Variants in KLHL4 observed in about 807,000 individuals in gnomAD.
The protein encoded by KLHL4 is kelch-like protein 4.
KLHL4 carries 17 observed loss-of-function variants against 45.8 expected under a neutral mutation model. The ratio of observed to expected loss-of-function variants is 0.37; its 90% CI spans 0.25 to 0.56. KLHL4 has a LOEUF of 0.56. Ranked by LOEUF, KLHL4 falls within the 20% of genes least tolerant of loss-of-function variation. The pLI is 0.79. For synonymous variants in KLHL4, 224 were observed against 189.9 expected (o/e 1.18, Z -1.47); for missense variants, 544 against 544.9 (o/e 1.00, Z 0.02).
At chrX:87,597,884 T>G (rs1183605394) in intron 1 of KLHL4, among the ~76,000 whole-genome samples, 1 of 111,141 alleles carries the variant, frequency 9.0e-6, no homozygotes, top group Admixed American at 9.6e-5. Flanking sequence ...GAAAGTGTCA[T>G]GTTCTAGTAA....
intron 1 of KLHL4, among the ~76,000 whole-genome samples, chrX:87,598,482 G>A (rs1921908469): frequency 9.0e-6 from 1 of 111,191 alleles, no homozygotes. Context: ...AATGGTCATA[G>A]GTCTTTTTAG....
At chrX:87,533,265 T>A (rs1182196349) in intron 1 of KLHL4, among the ~76,000 whole-genome samples, 1 of 103,661 alleles carries the variant, frequency 9.6e-6, no homozygotes, top group Non-Finnish European at 2.0e-5. Flanking sequence ...GTATGTTTAT[T>A]GCGGCACTAT....
chrX:87,546,301 G>A (rs1185210174), intron 1 of KLHL4, among the ~76,000 whole-genome samples: 1 of 111,693 alleles, frequency 9.0e-6, no homozygotes. Flanking sequence ...CCTGCATTTA[G>A]TCCATGGTAA....
At chrX:87,551,217 T>C (rs1050339923) in intron 1 of KLHL4, among the ~76,000 whole-genome samples, 1 of 110,558 alleles carries the variant, frequency 9.0e-6, no homozygotes, top group Non-Finnish European at 1.9e-5. Flanking sequence ...ACACTAACAG[T>C]GACCAAGCAG....
chrX:87,559,169 A>G (rs1932043701), intron 1 of KLHL4, among the ~76,000 whole-genome samples: 1 of 112,116 alleles, frequency 8.9e-6, no homozygotes, highest in African/African-American at 3.2e-5. Flanking sequence ...ATTTATGGAC[A>G]TTGAATTTTG....
chrX:87,665,267 G>A (rs1436255706), intron 10 of KLHL4, among the ~76,000 whole-genome samples: 2 of 111,394 alleles, frequency 1.8e-5, no homozygotes, highest in African/African-American at 6.5e-5. Context: ...ATAAAATAAA[G>A]CATTTTACCA....
chrX:87,604,914 G>A (rs1922143209), intron 1 of KLHL4, among the ~76,000 whole-genome samples: 1 of 111,045 alleles, frequency 9.0e-6, no homozygotes, highest in African/African-American at 3.3e-5. Flanking sequence ...TTATATGCAT[G>A]TTTTTAATCT....
chrX:87,625,302 G>A (rs950052299), intron 5 of KLHL4, among the ~76,000 whole-genome samples: 2 of 111,727 alleles, frequency 1.8e-5, no homozygotes, highest in Admixed American at 1.9e-4. Flanking sequence ...GTTTGCTCAA[G>A]TTTTCTCTGC....
chrX:87,572,962 T>C (rs1431203591), intron 1 of KLHL4, among the ~76,000 whole-genome samples: 2 of 111,678 alleles, frequency 1.8e-5, no homozygotes, highest in Non-Finnish European at 3.8e-5. Flanking sequence ...ATTTGGTTAA[T>C]CTCATAAAAG....
intron 6 of KLHL4, among the ~76,000 whole-genome samples, chrX:87,628,142 T>C (rs1922991355): frequency 8.9e-6 from 1 of 111,943 alleles, no homozygotes; most frequent in African/African-American, 3.2e-5. Context: ...TACTTAATCT[T>C]TGGCATTTTG....
At chrX:87,623,748 C>G (rs1233663234) in intron 5 of KLHL4, among the ~76,000 whole-genome samples, 1 of 111,337 alleles carries the variant, frequency 9.0e-6, no homozygotes, top group Non-Finnish European at 1.9e-5. Context: ...ATAGTAACGC[C>G]AAAAACAGAA....
chrX:87,639,861 T>C lies in KLHL4; in HGVS notation c.1925+4086T>C, dbSNP rs573412834. Among the ~76,000 whole-genome samples the C allele has an allele frequency of 1.4e-4, 15 of 103,792 alleles. No homozygotes were observed. In the South Asian group the frequency reaches 6.3e-3, roughly 43 times the overall value. 90.1% of individuals were successfully genotyped at this position (103,792 alleles called of 115,157 possible). Reference sequence around the variant, plus strand: ...AAGAAAGACCAGAACTAAATGAAATTGAAACAACAACAACAAAAAAATACA... The same window carrying C: ...AAGAAAGACCAGAACTAAATGAAATCGAAACAACAACAACAAAAAAATACA... On this transcript the variant is annotated intron_variant, in intron 9 of 10. Transcript: ENST00000373119.
intron 1 of KLHL4, among the ~76,000 whole-genome samples, chrX:87,542,607 G>T (rs1248275544): frequency 8.9e-6 from 1 of 112,533 alleles, no homozygotes. Flanking sequence ...CATGCATGGG[G>T]CATGTGGCCC....
intron 1 of KLHL4, among the ~76,000 whole-genome samples, chrX:87,540,119 G>A (rs1931519764): frequency 9.0e-6 from 1 of 111,067 alleles, no homozygotes; most frequent in African/African-American, 3.3e-5. Context: ...TCTGCATAGG[G>A]CACTTACCAT....
At chrX:87,659,169 G>A (rs1924100560) in intron 9 of KLHL4, among the ~76,000 whole-genome samples, 1 of 93,971 alleles carries the variant, frequency 1.1e-5, no homozygotes, top group Non-Finnish European at 2.1e-5. Context: ...GCCCAGGCTG[G>A]AGTGCAGTGG....
At chrX:87,666,404 T>C (rs1265829104) in intron 10 of KLHL4, 71 bp from the exon 11 acceptor site, 2 of 1,007,742 alleles carry the variant, frequency 2.0e-6, no homozygotes, top group African/African-American at 2.0e-5. Flanking sequence ...TCAACTATAT[T>C]GAATATAATA....
At chrX:87,656,142 A>C (rs1376179483) in intron 9 of KLHL4, among the ~76,000 whole-genome samples, 1 of 110,332 alleles carries the variant, frequency 9.1e-6, no homozygotes, top group African/African-American at 3.3e-5. Flanking sequence ...TATTGAACTT[A>C]GTCTGATGAC....
intron 1 of KLHL4, among the ~76,000 whole-genome samples, chrX:87,564,726 G>A (rs1192940061): frequency 9.0e-6 from 1 of 111,556 alleles, no homozygotes; most frequent in East Asian, 2.8e-4. Context: ...AATAGTTGGA[G>A]ACTTCAATAT....
chrX:87,588,572 C>T (rs760938519), intron 1 of KLHL4, among the ~76,000 whole-genome samples: 2 of 111,262 alleles, frequency 1.8e-5, no homozygotes, highest in Admixed American at 1.9e-4. Context: ...GTAAGTGGTG[C>T]TGGGAAACCT....
Sources: allele counts gnomAD v4.1 joint callset (sites outside exome capture counted in the v4.1 genomes callset), GRCh38; gene constraint gnomAD v4.1.1; transcripts MANE v1.5; gene names NCBI Gene and HGNC (gene_info 2026-07-23, HGNC 2026-07-21).